The following WHRN variants were observed in gnomAD, a reference collection of about 807,000 sequenced individuals.
The protein encoded by WHRN is CASK-interacting protein CIP98.
In WHRN, 41 loss-of-function variants were observed where a neutral mutation model predicts 68.3. The observed-to-expected ratio is 0.60, with a 90% CI of 0.47 to 0.78. The LOEUF (loss-of-function observed/expected upper bound fraction) is 0.78. WHRN is among the 30% of genes least tolerant of loss of function. The pLI, the probability that WHRN is intolerant of heterozygous loss-of-function variation, is 0.00. For missense variants in WHRN, 1,243 were observed against 1,244.7 expected (o/e 1.00, Z 0.02); for synonymous variants, 560 against 561.3 (o/e 1.00, Z 0.03).
intron 7 of WHRN, among the ~76,000 whole-genome samples, chr9:114,409,206 T>C (rs1281077858): frequency 2.0e-5 from 3 of 151,852 alleles, no homozygotes; most frequent in South Asian, 4.2e-4. Context: ...CTGAGCAGTC[T>C]CTGAAGCTCC....
At position 114,434,705 on chromosome 9, in the gene WHRN, C is replaced by T. The variant is rs371453451; in HGVS notation, c.964-8292G>A. Among the ~76,000 whole-genome samples, 27 of 152,292 alleles carry T rather than the reference C, an allele frequency of 1.8e-4. No homozygotes were observed. In the South Asian group the frequency reaches 5.6e-3, roughly 32 times the overall value. ...CCTTGTCTCTCACCTGGACCATTAC[C>T]ACAGCCTCCTAAGGGGCCTCCCTGC... On this transcript the variant is annotated intron_variant, in intron 3 of 11. Transcript: ENST00000362057.
intron 1 of WHRN, chr9:114,491,535 A>G (rs986033488): frequency 3.6e-5 from 6 of 168,500 alleles, no homozygotes; most frequent in Non-Finnish European, 6.7e-5. Flanking sequence ...GATGCAACGG[A>G]GGCAGGTCGG....
chr9:114,449,447 C>G (rs912874446), intron 3 of WHRN, among the ~76,000 whole-genome samples: 2 of 152,226 alleles, frequency 1.3e-5, no homozygotes, highest in East Asian at 1.9e-4. Flanking sequence ...AATGGGCGTG[C>G]CCAGAGAAAT....
At chr9:114,478,824 AG>A in intron 1 of WHRN, 53 bp from the exon 2 acceptor site, 1 of 1,533,778 alleles carries the variant, frequency 6.5e-7, no homozygotes, top group South Asian at 1.2e-5. Context: ...GGGGGTGTGG[AG>A]GAACACCCTC....
At chr9:114,471,847 G>T (rs1379917413) in intron 2 of WHRN, among the ~76,000 whole-genome samples, 2 of 152,244 alleles carry the variant, frequency 1.3e-5, no homozygotes, top group African/African-American at 2.4e-5. Context: ...CACAGGAAGA[G>T]AAGGGCCTCC....
chr9:114,411,678 C>G (rs1047984852), intron 7 of WHRN, among the ~76,000 whole-genome samples: 1 of 152,108 alleles, frequency 6.6e-6, no homozygotes, highest in Non-Finnish European at 1.5e-5. Flanking sequence ...CGCCAGGCCC[C>G]GTGCTGGGTG....
intron 3 of WHRN, among the ~76,000 whole-genome samples, chr9:114,458,108 C>T (rs1220107458): frequency 6.6e-6 from 1 of 152,074 alleles, no homozygotes; most frequent in African/African-American, 2.4e-5. Context: ...TTTCCAATTG[C>T]AAAAATAATA....
At chr9:114,487,696 CACAG>C (rs5900089) in intron 1 of WHRN, among the ~76,000 whole-genome samples, 65,852 of 151,774 alleles carry the variant, frequency 0.43, 14,506 homozygotes, top group Non-Finnish European at 0.47. Context: ...AGTCTTTATT[CACAG>C]ACAATCACAT....
At chr9:114,429,995 G>A (rs563587842) in intron 3 of WHRN, among the ~76,000 whole-genome samples, 11 of 152,336 alleles carry the variant, frequency 7.2e-5, no homozygotes, top group South Asian at 4.1e-4. Flanking sequence ...ACTCTTCATC[G>A]CGCAAGGGCT....
chr9:114,423,218 G>T, intron 7 of WHRN, 96 bp downstream of exon 7: 1 of 1,275,880 alleles, frequency 7.8e-7, no homozygotes, highest in Non-Finnish European at 1.1e-6. Context: ...GGTAAGTGGT[G>T]GTGCTGGGAT....
intron 3 of WHRN, among the ~76,000 whole-genome samples, chr9:114,445,653 G>A (rs533690059): frequency 1.3e-5 from 2 of 152,282 alleles, no homozygotes; most frequent in South Asian, 4.1e-4. Context: ...CTGGGGTAGA[G>A]TGGGTCTAGG....
At chr9:114,418,657 C>G (rs1280419658) in intron 7 of WHRN, among the ~76,000 whole-genome samples, 3 of 152,226 alleles carry the variant, frequency 2.0e-5, no homozygotes, top group Non-Finnish European at 4.4e-5. Context: ...CTGGAATTCT[C>G]TGACATTCTC....
At chr9:114,465,598 C>T (rs547928509) in intron 3 of WHRN, among the ~76,000 whole-genome samples, 137 of 152,262 alleles carry the variant, frequency 9.0e-4, no homozygotes, top group African/African-American at 3.1e-3. Flanking sequence ...CCAGCATCCT[C>T]GTGAGCAGTC....
chr9:114,416,560 T>C (rs923032368), intron 7 of WHRN, among the ~76,000 whole-genome samples: 5 of 152,166 alleles, frequency 3.3e-5, no homozygotes, highest in African/African-American at 1.2e-4. Context: ...CCTCCAGCCA[T>C]GTAAGATGTG....
rs1842558953 is a variant in WHRN, at chr9:114,486,944, TG to T, written c.619-8174del. Among the ~76,000 whole-genome samples, 7 of 1,266 alleles carry T rather than the reference TG, an allele frequency of 5.5e-3. 1 individual carries two copies. The highest frequency in any genetic ancestry group is 0.036 in the South Asian group (1 of 28). The allele number at this position is 1,266 out of a possible 152,430, so 0.8% of individuals were successfully genotyped here. ...GTGTGTAGAGTGTGTGTGTGTGTTGTGTGTGTGTGTGTGTGTATATATATAT... is the reference window on the plus strand; with the variant it reads ...GTGTGTAGAGTGTGTGTGTGTGTTGTTGTGTGTGTGTGTGTATATATATAT... On this transcript the variant is annotated intron_variant, in intron 1 of 11. Coordinates refer to ENST00000362057, the MANE Select transcript of WHRN (RefSeq NM_015404.4).
intron 1 of WHRN, among the ~76,000 whole-genome samples, chr9:114,496,927 T>A (rs1242586981): frequency 6.6e-6 from 1 of 152,174 alleles, no homozygotes. Flanking sequence ...ACAGGAAAGG[T>A]TCACCTCTCT....
rs10982201 is a variant in WHRN at position 114,407,655 on chromosome 9, C to A, written c.1698+292G>T. The stretch of plus-strand genomic sequence containing the variant: ...GCTATGATCATCATCCCCACTTTAC[C>A]GACGGGGAAACTGAGGCACAGAGAG... On this transcript the variant is annotated intron_variant, in intron 8 of 11. Transcript: ENST00000362057. Among the ~76,000 whole-genome samples the A allele has an allele frequency of 0.2, 30,346 of 151,992 alleles. 3,541 individuals are homozygous for A. Among genetic ancestry groups the A allele is most frequent in the East Asian group, 0.33 (1,705 of 5,174 alleles).
At chr9:114,480,616 G>A (rs1411586915) in intron 1 of WHRN, among the ~76,000 whole-genome samples, 1 of 152,162 alleles carries the variant, frequency 6.6e-6, no homozygotes, top group Non-Finnish European at 1.5e-5. Flanking sequence ...AGAACTGTGA[G>A]AAATTAAATG....
chr9:114,466,417 A>T, intron 2 of WHRN, 25 bp from the exon 3 acceptor site: 1 of 1,613,550 alleles, frequency 6.2e-7, no homozygotes, highest in Non-Finnish European at 8.5e-7. Flanking sequence ...GGATAACATT[A>T]GAGGGACTGG....
Sources: allele counts gnomAD v4.1 joint callset (sites outside exome capture counted in the v4.1 genomes callset), GRCh38; gene constraint gnomAD v4.1.1; transcripts MANE v1.5; gene names NCBI Gene and HGNC (gene_info 2026-07-23, HGNC 2026-07-21).